Variants in CPXM2 observed in about 807,000 individuals in gnomAD.
The protein encoded by CPXM2 is carboxypeptidase X, M14 family member 2.
In CPXM2, 66 loss-of-function variants were observed where a neutral mutation model predicts 86.1. The observed-to-expected ratio is 0.77, with a 90% CI of 0.63 to 0.94. CPXM2 has a LOEUF of 0.94. Among genes scored for constraint, CPXM2 ranks in the 40% least tolerant of loss-of-function variants. The pLI, the probability that CPXM2 is intolerant of heterozygous loss-of-function variation, is 0.00. For synonymous variants in CPXM2, 388 were observed against 400.2 expected, an observed-to-expected ratio of 0.97 and a Z score of 0.36; for missense variants, 948 against 1,026.3, an observed-to-expected ratio of 0.92 and a Z score of 1.04.
intron 2 of CPXM2, among the ~76,000 whole-genome samples, chr10:123,918,658 T>C (rs1198237956): frequency 6.6e-6 from 1 of 152,160 alleles, no homozygotes; most frequent in Non-Finnish European, 1.5e-5. Context: ...AAATCCGCAT[T>C]TTGTTTTCCT....
chr10:123,883,448 G>A (rs1313973709), intron 1 of CPXM2, among the ~76,000 whole-genome samples: 1 of 152,224 alleles, frequency 6.6e-6, no homozygotes, highest in African/African-American at 2.4e-5. Flanking sequence ...AGTGAAAGGA[G>A]AAGGCAACAA....
chr10:123,904,865 G>A (rs1945418504), intron 2 of CPXM2, among the ~76,000 whole-genome samples: 1 of 152,172 alleles, frequency 6.6e-6, no homozygotes, highest in African/African-American at 2.4e-5. Flanking sequence ...CAACCTCTGT[G>A]ACCTCCCCAT....
upstream of CPXM2, among the ~76,000 whole-genome samples, chr10:123,895,101 CTTTT>C (rs1001049091): frequency 4.0e-5 from 5 of 124,210 alleles, no homozygotes; most frequent in African/African-American, 1.5e-4. Flanking sequence ...AAGACAGATT[CTTTT>C]TTTTTTCTTT....
rs1388734990 is a variant in CPXM2 at position 123,885,669 on chromosome 10, C to T, written c.305-5360G>A. On this transcript the variant is annotated intron_variant, in intron 1 of 13. Transcript: ENST00000241305. This position sits in a 1 kb window ranked among gnomAD's most constrained non-coding sequence, Gnocchi z 4.0. Reference sequence around the variant, plus strand: ...AACCCTAATTTCCTGGGTTTTGTGACCCCAGAGTGGTAGCTGCAGTGGCTG... The same window carrying T: ...AACCCTAATTTCCTGGGTTTTGTGATCCCAGAGTGGTAGCTGCAGTGGCTG... 6.6e-6 allele frequency among the ~76,000 whole-genome samples: 1 copy of T among 152,190 alleles called. No individual in the cohort carries two copies. Among genetic ancestry groups the T allele is most frequent in the African/African-American group, 2.4e-5 (1 of 41,450 alleles).
intron 2 of CPXM2, among the ~76,000 whole-genome samples, chr10:123,932,279 C>G (rs943872859): frequency 1.3e-5 from 2 of 152,182 alleles, no homozygotes; most frequent in African/African-American, 2.4e-5. Context: ...CTAGAATCCT[C>G]TCAGCCTCAC....
intron 10 of CPXM2, among the ~76,000 whole-genome samples, chr10:123,763,547 T>TA (rs59727685): frequency 0.017 from 2,409 of 145,466 alleles, 41 homozygotes; most frequent in African/African-American, 0.045. Context: ...GCTTTTGATC[T>TA]AAAAAAAAAA....
At chr10:123,852,799 T>C (rs1848632013) in intron 3 of CPXM2, among the ~76,000 whole-genome samples, 3 of 152,246 alleles carry the variant, frequency 2.0e-5, no homozygotes, top group Admixed American at 2.0e-4. Flanking sequence ...TGGCTCCCCA[T>C]TGATCCCCTT....
chr10:123,872,191 CA>C (rs1414828789), intron 2 of CPXM2, among the ~76,000 whole-genome samples: 2 of 151,660 alleles, frequency 1.3e-5, no homozygotes. Flanking sequence ...GGTATACATG[CA>C]AAAAAAATTC....
chr10:123,807,862 T>G (rs912592512), intron 4 of CPXM2, among the ~76,000 whole-genome samples: 2 of 152,194 alleles, frequency 1.3e-5, no homozygotes, highest in Admixed American at 1.3e-4. Flanking sequence ...GTGGCTTTTT[T>G]CCACTTTCCT....
chr10:123,768,381 AAAT>A (rs1430205712), intron 9 of CPXM2, 142 bp downstream of exon 9: 12 of 46,986 alleles, frequency 2.6e-4, no homozygotes, highest in African/African-American at 9.2e-4. Context: ...CTCAAAAAAT[AAAT>A]AAATAAATAA....
chr10:123,753,918 G>A (rs560887003), intron 13 of CPXM2, among the ~76,000 whole-genome samples: 2 of 152,314 alleles, frequency 1.3e-5, no homozygotes, highest in South Asian at 4.2e-4. Flanking sequence ...CTTCCAGTGA[G>A]TGGGAGCTGA....
At chr10:123,764,430 ATTTC>A (rs10610306) in intron 10 of CPXM2, among the ~76,000 whole-genome samples, 9,858 of 151,998 alleles carry the variant, frequency 0.065, 463 homozygotes, top group East Asian at 0.27. Flanking sequence ...ACTTCATATT[ATTTC>A]TTTGTTTCCT....
At chr10:123,759,361 G>A (rs892295918) in intron 11 of CPXM2, among the ~76,000 whole-genome samples, 1 of 152,136 alleles carries the variant, frequency 6.6e-6, no homozygotes, top group Non-Finnish European at 1.5e-5. Context: ...AAATAAATGC[G>A]ATATTTAAAC....
At chr10:123,798,253 GA>G (rs11356678) in intron 5 of CPXM2, 127 bp from the exon 6 acceptor site, 166,786 of 373,396 alleles carry the variant, frequency 0.45, 19,151 homozygotes, top group African/African-American at 0.71. Context: ...GCATTGAAAA[GA>G]AAAAAAAAAA....
intron 3 of CPXM2, among the ~76,000 whole-genome samples, chr10:123,849,708 C>G (rs1564796839): frequency 1.3e-5 from 2 of 152,092 alleles, no homozygotes; most frequent in Admixed American, 6.5e-5. Flanking sequence ...CCACCGTGCC[C>G]GGCCTTACAT....
At chr10:123,825,789 A>C (rs1235048) in intron 4 of CPXM2, among the ~76,000 whole-genome samples, 2 of 152,192 alleles carry the variant, frequency 1.3e-5, no homozygotes, top group Non-Finnish European at 2.9e-5. Context: ...TTTAGTAGTG[A>C]TCTGGTTCCC....
chr10:123,761,818 C>T (rs1846346214), intron 11 of CPXM2, 54 bp downstream of exon 11: 4 of 1,540,034 alleles, frequency 2.6e-6, no homozygotes, highest in Non-Finnish European at 3.5e-6. Flanking sequence ...AGGAGGAGAC[C>T]CCTGCAGCGT....
chr10:123,927,906 T>C (rs1476355247), intron 2 of CPXM2, among the ~76,000 whole-genome samples: 2 of 152,216 alleles, frequency 1.3e-5, no homozygotes, highest in East Asian at 3.8e-4. Flanking sequence ...CCCCCCAGTG[T>C]TGGGGGTAGG....
intron 5 of CPXM2, 129 bp from the exon 6 acceptor site, chr10:123,798,255 A>T: frequency 1.4e-4 from 39 of 288,088 alleles, no homozygotes; most frequent in South Asian, 2.2e-4. Context: ...ATTGAAAAGA[A>T]AAAAAAAAAA....
Sources: gnomAD v4.1 joint callset for allele counts (sites outside exome capture counted in the v4.1 genomes callset) on GRCh38, gnomAD v4.1.1 for gene constraint, Gnocchi (gnomAD v3.1) non-coding constraint, MANE v1.5 for transcripts, NCBI Gene and HGNC (gene_info 2026-07-23, HGNC 2026-07-21) for gene names.